The following TSPAN11 variants were observed in gnomAD, a reference collection of about 807,000 sequenced individuals.
TSPAN11 encodes tetraspanin-11.
Under a neutral mutation model 32.9 loss-of-function variants are expected in TSPAN11, and 29 were observed. The ratio of observed to expected loss-of-function variants is 0.88; its 90% confidence interval spans 0.66 to 1.20. The LOEUF (loss-of-function observed/expected upper bound fraction) is 1.20. Among genes scored for constraint, TSPAN11 ranks in the 50% most tolerant of loss-of-function variants. The pLI is 0.00. For missense variants in TSPAN11, 283 were observed against 329.1 expected (o/e 0.86, Z 1.08); for synonymous variants, 140 against 141.3 (o/e 0.99, Z 0.07).
intron 2 of TSPAN11, 57 bp from the exon 3 acceptor site, chr12:30,963,769 G>A: frequency 6.4e-7 from 1 of 1,566,138 alleles, no homozygotes; most frequent in South Asian, 1.2e-5. Context: ...GCACTGAACG[G>A]ATAGCAGCTG....
chr12:30,983,754 TCGA>T (rs1340270740), intron 7 of TSPAN11, among the ~76,000 whole-genome samples: 1 of 152,206 alleles, frequency 6.6e-6, no homozygotes, highest in Non-Finnish European at 1.5e-5. Flanking sequence ...ATGCGATATA[TCGA>T]CTGTTTACGT....
chr12:31,006,821 T>G, the TSPAN11 span, among the ~76,000 whole-genome samples: 1 of 152,266 alleles, frequency 6.6e-6, no homozygotes, highest in African/African-American at 2.4e-5. Flanking sequence ...ATGGCATTTT[T>G]TTCTTGTTTT....
At chr12:30,984,607 G>A (rs1299015387) in intron 7 of TSPAN11, among the ~76,000 whole-genome samples, 1 of 139,924 alleles carries the variant, frequency 7.1e-6, no homozygotes, top group East Asian at 2.2e-4. Flanking sequence ...TGCCCAGGCT[G>A]GAGTGCAGTG....
chr12:30,982,960 T>TCCTC, intron 6 of TSPAN11, 104 bp from the exon 7 acceptor site: 1 of 1,304,618 alleles, frequency 7.7e-7, no homozygotes, highest in Non-Finnish European at 1.1e-6. Flanking sequence ...AGCCTGTGAG[T>TCCTC]CCTCTGGCCA....
chr12:31,002,197 T>A, the TSPAN11 span, among the ~76,000 whole-genome samples: 13 of 152,070 alleles, frequency 8.5e-5, no homozygotes, highest in Non-Finnish European at 1.6e-4. This position sits in a 1 kb window ranked among gnomAD's most constrained non-coding sequence, Gnocchi z 4.8. Flanking sequence ...CTCTGCAGGC[T>A]TTGGGACATG....
At chr12:30,977,068 A>G (rs574887396) in intron 3 of TSPAN11, among the ~76,000 whole-genome samples, 1 of 152,322 alleles carries the variant, frequency 6.6e-6, no homozygotes, top group East Asian at 1.9e-4. Flanking sequence ...ACACAGTAAA[A>G]TTGCAATGAG....
chr12:30,988,894 G>A (rs1449168258), intron 7 of TSPAN11, among the ~76,000 whole-genome samples: 1 of 152,202 alleles, frequency 6.6e-6, no homozygotes, highest in Non-Finnish European at 1.5e-5. Flanking sequence ...GGTGGAATCT[G>A]GAGGCACTCC....
At chr12:30,977,299 G>A (rs1486632074) in intron 3 of TSPAN11, among the ~76,000 whole-genome samples, 4 of 152,094 alleles carry the variant, frequency 2.6e-5, no homozygotes, top group East Asian at 1.9e-4. Flanking sequence ...CCGCTCCGCC[G>A]CCACCCGCCA....
rs567175162 is a variant in TSPAN11 at position 30,995,654 on chromosome 12, A to G, written c.*3739A>G. 6.6e-6 allele frequency: 1 copy of G among 152,280 alleles called. No homozygotes were observed. Among genetic ancestry groups the G allele is most frequent in the East Asian group, 1.9e-4 (1 of 5,172 alleles). 9.4% of individuals were successfully genotyped at this position (152,280 alleles called of 1,614,324 possible). A position where few individuals can be genotyped will look rare whatever the true frequency, so the allele number is the denominator to read the frequency against. ...GTCATCACCACCCACCCTGTCACCC[A>G]CCTGGAAAACATTCTTGATATACTG... On this transcript the variant is annotated 3_prime_UTR_variant, in exon 8 of 8. Coordinates refer to ENST00000546076, the MANE Select transcript of TSPAN11 (RefSeq NM_001370302.1).
At chr12:30,927,572 T>C (rs900542833) in intron 1 of TSPAN11, among the ~76,000 whole-genome samples, 1 of 149,304 alleles carries the variant, frequency 6.7e-6, no homozygotes, top group Admixed American at 6.7e-5. Flanking sequence ...TGGCAAGTAT[T>C]GTGAGGTGAG....
At chr12:30,979,125 C>G (rs2075325) in intron 4 of TSPAN11, among the ~76,000 whole-genome samples, 6,355 of 152,292 alleles carry the variant, frequency 0.042, 205 homozygotes, top group East Asian at 0.17. Flanking sequence ...CTGGTAGAGA[C>G]AGTGCGACCC....
At chr12:30,960,764 C>T (rs527406495) in intron 2 of TSPAN11, among the ~76,000 whole-genome samples, 64 of 152,056 alleles carry the variant, frequency 4.2e-4, no homozygotes, top group Middle Eastern at 3.4e-3. Flanking sequence ...ATTGCCCAGG[C>T]GCGCTGGCTC....
chr12:30,933,021 CCT>C (rs1225802173), intron 1 of TSPAN11, among the ~76,000 whole-genome samples: 2 of 152,102 alleles, frequency 1.3e-5, no homozygotes, highest in Non-Finnish European at 2.9e-5. Flanking sequence ...TGGGAGAGCC[CCT>C]CTTTCCACCC....
At chr12:30,990,643 G>A (rs1448555426) in intron 7 of TSPAN11, among the ~76,000 whole-genome samples, 2 of 152,142 alleles carry the variant, frequency 1.3e-5, no homozygotes, top group Non-Finnish European at 2.9e-5. Flanking sequence ...GGAAGAGGAT[G>A]GGCCCCTTCC....
chr12:31,000,322 C>T (rs146110450), downstream of TSPAN11, among the ~76,000 whole-genome samples: 60 of 152,344 alleles, frequency 3.9e-4, no homozygotes, highest in African/African-American at 1.3e-3. Flanking sequence ...CCCTGACCAC[C>T]CCCTTCCCAC....
chr12:30,962,744 GAA>G (rs1175792813), intron 2 of TSPAN11, among the ~76,000 whole-genome samples: 1 of 152,132 alleles, frequency 6.6e-6, no homozygotes, highest in African/African-American at 2.4e-5. Flanking sequence ...ACCCATTAGA[GAA>G]AAGAGACCCA....
chr12:30,999,227 G>T (rs1939454806), downstream of TSPAN11: 1 of 152,138 alleles, frequency 6.6e-6, no homozygotes. Flanking sequence ...TAGGAGGATT[G>T]CTTGAGCCCA....
chr12:30,981,794 G>T (rs1565803089), intron 5 of TSPAN11, among the ~76,000 whole-genome samples: 1 of 152,162 alleles, frequency 6.6e-6, no homozygotes, highest in African/African-American at 2.4e-5. Context: ...CTTGTTAGCT[G>T]AACTAAACAT....
chr12:30,931,876 T>A (rs553034941), intron 1 of TSPAN11, among the ~76,000 whole-genome samples: 2 of 15,004 alleles, frequency 1.3e-4, no homozygotes, highest in African/African-American at 3.7e-4. Context: ...TGAGACGCTG[T>A]ATCAAAAAAA....
Sources: gnomAD v4.1 joint callset for allele counts (sites outside exome capture counted in the v4.1 genomes callset) on GRCh38, gnomAD v4.1.1 for gene constraint, Gnocchi (gnomAD v3.1) non-coding constraint, MANE v1.5 for transcripts, NCBI Gene and HGNC (gene_info 2026-07-23, HGNC 2026-07-21) for gene names.